The following VPS4B variants were observed in gnomAD, a reference collection of about 807,000 sequenced individuals.
VPS4B encodes the protein vacuolar protein sorting-associated protein 4B.
A neutral mutation model predicts 56.1 loss-of-function variants in VPS4B; 23 were observed. The ratio of observed to expected loss-of-function variants is 0.41; its 90% CI spans 0.30 to 0.58. The LOEUF (loss-of-function observed/expected upper bound fraction) is 0.58, where lower values mean the gene tolerates loss of function less well. Among genes scored for constraint, VPS4B ranks in the 20% least tolerant of loss-of-function variants. The pLI is 0.29. For synonymous variants in VPS4B, 177 were observed against 186.0 expected (o/e 0.95, Z 0.39); for missense variants, 372 against 531.9 (o/e 0.70, Z 2.96).
intron 2 of VPS4B, among the ~76,000 whole-genome samples, chr18:63,410,921 A>G (rs1166824169): frequency 6.6e-6 from 1 of 152,234 alleles, no homozygotes; most frequent in Non-Finnish European, 1.5e-5. Context: ...CGTAAATTTT[A>G]CTACACAAAG....
intron 1 of VPS4B, chr18:63,415,479 T>G (rs1599367046): frequency 3.3e-6 from 1 of 306,338 alleles, no homozygotes; most frequent in East Asian, 9.1e-5. Flanking sequence ...CTGATGCTCC[T>G]GGCATAAGCT....
At chr18:63,420,670 T>G (rs1164850891) in intron 1 of VPS4B, among the ~76,000 whole-genome samples, 1 of 152,178 alleles carries the variant, frequency 6.6e-6, no homozygotes, top group Non-Finnish European at 1.5e-5. Flanking sequence ...AAAAGAACCT[T>G]TCCAAATAGG....
At chr18:63,408,116 T>C (rs758749717) in intron 3 of VPS4B, among the ~76,000 whole-genome samples, 1 of 152,182 alleles carries the variant, frequency 6.6e-6, no homozygotes, top group Non-Finnish European at 1.5e-5. Flanking sequence ...CCCACACTGT[T>C]TGCAAAAGGG....
intron 9 of VPS4B, among the ~76,000 whole-genome samples, chr18:63,395,716 T>C (rs1915654633): frequency 1.3e-5 from 2 of 152,246 alleles, no homozygotes; most frequent in South Asian, 4.1e-4. Flanking sequence ...GCAAAAGGGT[T>C]GGTCCAGATT....
intron 8 of VPS4B, among the ~76,000 whole-genome samples, chr18:63,398,192 C>T (rs986841443): frequency 4.7e-5 from 5 of 105,322 alleles, no homozygotes; most frequent in Non-Finnish European, 9.1e-5. Context: ...TACATATATA[C>T]ACACACACAC....
At position 63,393,558 on chromosome 18, in the gene VPS4B, A is replaced by C; in HGVS notation, c.1093-9T>G. 1 of 1,565,304 alleles carries C rather than the reference A, an allele frequency of 6.4e-7. No individual in the cohort carries two copies. Among genetic ancestry groups the C allele is most frequent in the African/African-American group, 1.4e-5 (1 of 72,670 alleles). On this transcript the variant is annotated splice_polypyrimidine_tract_variant and intron_variant, in intron 9 of 10. Coordinates refer to ENST00000238497, the MANE Select transcript of VPS4B (RefSeq NM_004869.4). ...CGGGAAGGTCCGCGAACCTGAAATA[A>C]ACAGTAATCTGAAATATGTATTTGA...
intron 3 of VPS4B, among the ~76,000 whole-genome samples, chr18:63,409,213 GAGCTTA>G: frequency 6.6e-6 from 1 of 152,280 alleles, no homozygotes; most frequent in Non-Finnish European, 1.5e-5. Flanking sequence ...ATAAAACCTT[GAGCTTA>G]AGCTTATCAT....
Position 63,417,836 on chromosome 18 carries a change from C to T in VPS4B, c.27+4397G>A, listed in dbSNP as rs117755348. Reference sequence around the variant, plus strand: ...CCAGGATCAGTCAGGATCCAGTTATCCATACGGAAGTATAAAGGTTGGGAA... The same window carrying T: ...CCAGGATCAGTCAGGATCCAGTTATTCATACGGAAGTATAAAGGTTGGGAA... On this transcript the variant is annotated intron_variant, in intron 1 of 10. Coordinates refer to ENST00000238497, the MANE Select transcript of VPS4B (RefSeq NM_004869.4). Among the ~76,000 whole-genome samples, 170 of 152,196 alleles carry T rather than the reference C, an allele frequency of 1.1e-3. 2 individuals are homozygous for T. The East Asian group carries it at 0.031, about 27-fold the overall frequency.
intron 3 of VPS4B, among the ~76,000 whole-genome samples, chr18:63,408,609 G>A (rs150538940): frequency 1.3e-5 from 2 of 152,320 alleles, no homozygotes; most frequent in East Asian, 1.9e-4. Context: ...AGGGAGCTGC[G>A]CAGAGGATTT....
intron 3 of VPS4B, among the ~76,000 whole-genome samples, chr18:63,407,865 G>T (rs1310053828): frequency 6.6e-6 from 1 of 152,080 alleles, no homozygotes; most frequent in Non-Finnish European, 1.5e-5. Context: ...CATCAGGACT[G>T]GGCAAGATAT....
chr18:63,410,776 T>G (rs1376136716), intron 2 of VPS4B, among the ~76,000 whole-genome samples: 1 of 152,228 alleles, frequency 6.6e-6, no homozygotes, highest in Admixed American at 6.5e-5. Flanking sequence ...AAGTTGCTTG[T>G]CTTAGACAAA....
intron 1 of VPS4B, chr18:63,415,484 T>A (rs1356230614): frequency 3.3e-6 from 1 of 305,916 alleles, no homozygotes; most frequent in Non-Finnish European, 6.7e-6. Flanking sequence ...GCTCCTGGCA[T>A]AAGCTTGGCA....
intron 3 of VPS4B, among the ~76,000 whole-genome samples, chr18:63,408,113 T>C (rs750810790): frequency 1.3e-5 from 2 of 152,152 alleles, no homozygotes; most frequent in Non-Finnish European, 2.9e-5. Context: ...ACACCCACAC[T>C]GTTTGCAAAA....
chr18:63,392,321 T>C (rs1915567328), intron 10 of VPS4B, among the ~76,000 whole-genome samples: 3 of 152,222 alleles, frequency 2.0e-5, no homozygotes, highest in Admixed American at 2.0e-4. Context: ...ATATAAACTA[T>C]ATTAACTGTA....
In VPS4B at chr18:63,403,841, G is replaced by T. The variant is rs200579231; in HGVS notation, c.365-15C>A. 1.3e-6 allele frequency: 2 copies of T among 1,591,796 alleles called. No individual in the cohort carries two copies. The highest frequency in any genetic ancestry group is 1.7e-6 in the Non-Finnish European group (2 of 1,170,684). ...AACAATGGCACCTGCAAAAAATTAC[G>T]TTATCTTTAAATTAAGAAAGACTAT... On this transcript the variant is annotated splice_polypyrimidine_tract_variant and intron_variant, in intron 4 of 10. Coordinates refer to ENST00000238497, the MANE Select transcript of VPS4B (RefSeq NM_004869.4).
chr18:63,413,184 A>G (rs28624390), intron 1 of VPS4B, among the ~76,000 whole-genome samples: 10,933 of 152,250 alleles, frequency 0.072, 652 homozygotes, highest in African/African-American at 0.17. Context: ...ATGTATCAAT[A>G]TCAATATCCT....
chr18:63,408,445 G>C (rs1915964672), intron 3 of VPS4B, among the ~76,000 whole-genome samples: 1 of 152,116 alleles, frequency 6.6e-6, no homozygotes, highest in Non-Finnish European at 1.5e-5. Flanking sequence ...GTACTATAAA[G>C]GCTGTCCTTA....
chr18:63,417,598 CT>C (rs750877107), intron 1 of VPS4B, among the ~76,000 whole-genome samples: 5 of 152,094 alleles, frequency 3.3e-5, no homozygotes, highest in Non-Finnish European at 5.9e-5. Context: ...TCCTCCCCCC[CT>C]ACATCAGTGA....
intron 1 of VPS4B, chr18:63,416,129 C>T (rs1198752086): frequency 6.1e-6 from 1 of 164,104 alleles, no homozygotes; most frequent in Non-Finnish European, 1.4e-5. Context: ...CTTAGCGCCC[C>T]CCTGGCAATT....
Sources: gnomAD v4.1 joint callset for allele counts (sites outside exome capture counted in the v4.1 genomes callset) on GRCh38, gnomAD v4.1.1 for gene constraint, MANE v1.5 for transcripts, NCBI Gene and HGNC (gene_info 2026-07-23, HGNC 2026-07-21) for gene names.